MYO16: variants seen among roughly 807,000 people sequenced by gnomAD.
MYO16 encodes myosin XVI, also known as unconventional myosin-XVI.
MYO16 carries 94 observed loss-of-function variants against 205.3 expected under a neutral mutation model. That is an observed-to-expected ratio of 0.46 (90% CI 0.39 to 0.54). The LOEUF is 0.54. MYO16 is among the 20% of genes least tolerant of loss of function. The probability of loss-of-function intolerance (pLI) is 0.00; values close to 1 mark genes in which losing one functional copy is unlikely to be tolerated. For synonymous variants in MYO16, 988 were observed against 954.0 expected (o/e 1.04, Z -0.66); for missense variants, 2,315 against 2,387.5 (o/e 0.97, Z 0.63).
chr13:109,022,359 T>C (rs1222208650), intron 23 of MYO16, among the ~76,000 whole-genome samples: 3 of 108,450 alleles, frequency 2.8e-5, no homozygotes, highest in East Asian at 2.4e-4. Flanking sequence ...AATATATATG[T>C]ATATATGTAT....
At chr13:108,753,555 T>G (rs1422547668) in intron 4 of MYO16, among the ~76,000 whole-genome samples, 1 of 152,174 alleles carries the variant, frequency 6.6e-6, no homozygotes, top group Non-Finnish European at 1.5e-5. Flanking sequence ...ATGATCTCAG[T>G]AATAACATCA....
At chr13:108,701,528 G>T (rs892344225) in intron 2 of MYO16, among the ~76,000 whole-genome samples, 1 of 152,020 alleles carries the variant, frequency 6.6e-6, no homozygotes, top group Non-Finnish European at 1.5e-5. Flanking sequence ...CCTTGATTTT[G>T]GACTTCTCAG....
At chr13:108,502,051 A>G in the MYO16 span, among the ~76,000 whole-genome samples, 1 of 152,130 alleles carries the variant, frequency 6.6e-6, no homozygotes, top group Non-Finnish European at 1.5e-5. Flanking sequence ...GTCTCTACTA[A>G]AAATACAAAA....
intron 33 of MYO16, among the ~76,000 whole-genome samples, chr13:109,175,855 G>A (rs115517242): frequency 2.7e-3 from 414 of 151,508 alleles, no homozygotes; most frequent in African/African-American, 8.8e-3. Flanking sequence ...GTTAAAATGC[G>A]CCGTGGGATT....
intron 28 of MYO16, among the ~76,000 whole-genome samples, chr13:109,103,949 T>A (rs1166544396): frequency 1.3e-5 from 2 of 152,182 alleles, no homozygotes; most frequent in Non-Finnish European, 2.9e-5. Context: ...TATTCATAGT[T>A]TTTATTTTAT....
chr13:108,868,199 A>G (rs1433004647), intron 12 of MYO16, among the ~76,000 whole-genome samples: 1 of 152,180 alleles, frequency 6.6e-6, no homozygotes, highest in East Asian at 1.9e-4. Context: ...GTATACATAC[A>G]ATCAGTTTTG....
chr13:109,177,497 A>G (rs534298043), intron 33 of MYO16, among the ~76,000 whole-genome samples: 4 of 151,852 alleles, frequency 2.6e-5, no homozygotes, highest in African/African-American at 9.7e-5. Context: ...TTCTAATTTT[A>G]TGTATTTATT....
At chr13:108,621,527 C>T (rs951112817) in intron 1 of MYO16, among the ~76,000 whole-genome samples, 54 of 152,246 alleles carry the variant, frequency 3.5e-4, no homozygotes, top group Middle Eastern at 6.8e-3. Context: ...TCATTTCTTT[C>T]TGGACATGAA....
intron 12 of MYO16, among the ~76,000 whole-genome samples, chr13:108,880,715 G>A (rs1879571459): frequency 6.6e-6 from 1 of 152,074 alleles, no homozygotes; most frequent in African/African-American, 2.4e-5. Flanking sequence ...CTGTTCCATT[G>A]GTCTATATCT....
At chr13:109,132,178 A>G (rs1403159065) in intron 31 of MYO16, among the ~76,000 whole-genome samples, 4 of 152,164 alleles carry the variant, frequency 2.6e-5, no homozygotes, top group Non-Finnish European at 4.4e-5. Flanking sequence ...CCTGGCTTGG[A>G]GTGACGGTTG....
intron 16 of MYO16, among the ~76,000 whole-genome samples, chr13:108,926,336 A>G (rs1441602640): frequency 6.6e-6 from 1 of 152,208 alleles, no homozygotes; most frequent in Non-Finnish European, 1.5e-5. Context: ...TTGAAGTACA[A>G]TGCTCCTTTC....
chr13:108,508,417 G>T, the MYO16 span, among the ~76,000 whole-genome samples: 1 of 152,102 alleles, frequency 6.6e-6, no homozygotes, highest in Admixed American at 6.5e-5. Context: ...AGGTTTGCTT[G>T]TTTCTTTTCT....
chr13:109,023,303 AAT>A (rs1170324606), intron 23 of MYO16, among the ~76,000 whole-genome samples: 4,466 of 32,636 alleles, frequency 0.14, 207 homozygotes, highest in Non-Finnish European at 0.18. Context: ...TACAGATATA[AAT>A]ATATATATTT....
chr13:108,830,562 A>G (rs980815257), intron 9 of MYO16, among the ~76,000 whole-genome samples: 55 of 142,678 alleles, frequency 3.9e-4, no homozygotes, highest in Non-Finnish European at 7.1e-4. Context: ...TTGAACAATG[A>G]GAACACATGG....
At chr13:108,645,415 G>A (rs980740467) in intron 1 of MYO16, among the ~76,000 whole-genome samples, 6 of 152,136 alleles carry the variant, frequency 3.9e-5, no homozygotes, top group Admixed American at 3.3e-4. Flanking sequence ...CACCTTGTAA[G>A]TTTGGTATGT....
chr13:108,766,074 A>G (rs944804128), intron 4 of MYO16, among the ~76,000 whole-genome samples: 5 of 152,330 alleles, frequency 3.3e-5, no homozygotes, highest in Admixed American at 1.3e-4. Context: ...TCCTTAATGA[A>G]TAAATGGACT....
At chr13:108,843,075 C>T (rs531103925) in intron 9 of MYO16, among the ~76,000 whole-genome samples, 15 of 151,858 alleles carry the variant, frequency 9.9e-5, no homozygotes, top group South Asian at 6.2e-4. Flanking sequence ...GAGAGTAGAA[C>T]CGTGGCTGCC....
chr13:108,942,849 C>G (rs983375234), intron 16 of MYO16, among the ~76,000 whole-genome samples: 4 of 152,170 alleles, frequency 2.6e-5, no homozygotes, highest in Non-Finnish European at 5.9e-5. Flanking sequence ...ACAATTTGTT[C>G]AAGTCGATCT....
intron 1 of MYO16, among the ~76,000 whole-genome samples, chr13:108,640,874 A>T (rs571618244): frequency 6.6e-6 from 1 of 152,250 alleles, no homozygotes; most frequent in East Asian, 1.9e-4. Context: ...AATTAATGCT[A>T]GAATAGAACA....
Sources: gnomAD v4.1 joint callset for allele counts (sites outside exome capture counted in the v4.1 genomes callset) on GRCh38, gnomAD v4.1.1 for gene constraint, MANE v1.5 for transcripts, NCBI Gene and HGNC (gene_info 2026-07-23, HGNC 2026-07-21) for gene names.